CSMD3: variants seen among roughly 807,000 people sequenced by gnomAD.
CSMD3 encodes CUB and Sushi multiple domains 3.
Under a neutral mutation model 435.2 loss-of-function variants are expected in CSMD3, and 177 were observed. The observed-to-expected ratio is 0.41, with a 90% CI of 0.36 to 0.46. The LOEUF (loss-of-function observed/expected upper bound fraction) is 0.46, where lower values mean the gene tolerates loss of function less well. Ranked by LOEUF, CSMD3 falls within the 20% of genes least tolerant of loss-of-function variation. The probability of loss-of-function intolerance (pLI) is 0.34; values close to 1 mark genes in which losing one functional copy is unlikely to be tolerated. For missense variants in CSMD3, 4,265 were observed against 4,504.6 expected (o/e 0.95, Z 1.52); for synonymous variants, 1,656 against 1,520.5 (o/e 1.09, Z -2.07).
intron 14 of CSMD3, among the ~76,000 whole-genome samples, chr8:112,687,644 T>C (rs151264724): frequency 6.3e-4 from 96 of 152,274 alleles, no homozygotes; most frequent in Non-Finnish European, 1.1e-3. Flanking sequence ...AAATATTTTG[T>C]ACTTTGAATC....
intron 6 of CSMD3, among the ~76,000 whole-genome samples, chr8:112,995,637 T>C (rs893826487): frequency 8.6e-5 from 13 of 151,380 alleles, no homozygotes; most frequent in African/African-American, 2.9e-4. Flanking sequence ...AAATAAATAT[T>C]TTAAATATTT....
chr8:113,068,095 A>T (rs999080056), intron 5 of CSMD3, among the ~76,000 whole-genome samples: 61 of 152,172 alleles, frequency 4.0e-4, no homozygotes, highest in Non-Finnish European at 2.1e-4. Context: ...TTCTGTGGAA[A>T]AATGCTGTAT....
At chr8:112,554,438 TG>T (rs1233939934) in intron 25 of CSMD3, among the ~76,000 whole-genome samples, 2 of 152,070 alleles carry the variant, frequency 1.3e-5, no homozygotes, top group African/African-American at 4.8e-5. Context: ...AAAATTCTTT[TG>T]GACAATCTGT....
intron 32 of CSMD3, among the ~76,000 whole-genome samples, chr8:112,454,289 A>G (rs557716302): frequency 9.2e-5 from 14 of 152,194 alleles, no homozygotes; most frequent in Admixed American, 9.2e-4. Flanking sequence ...CAGAAAACAG[A>G]CAATAAACAA....
chr8:113,095,961 C>A (rs1291120598), intron 5 of CSMD3, among the ~76,000 whole-genome samples: 1 of 152,114 alleles, frequency 6.6e-6, no homozygotes, highest in African/African-American at 2.4e-5. Context: ...CTCTCAATCT[C>A]CTTTACTGGT....
chr8:112,920,385 G>A (rs1337823364), intron 10 of CSMD3, among the ~76,000 whole-genome samples: 1 of 151,714 alleles, frequency 6.6e-6, no homozygotes, highest in East Asian at 1.9e-4. Flanking sequence ...GGTGAAGAAG[G>A]AGTATAATAA....
intron 13 of CSMD3, among the ~76,000 whole-genome samples, chr8:112,699,089 T>A (rs563835422): frequency 6.6e-6 from 1 of 152,220 alleles, no homozygotes; most frequent in East Asian, 1.9e-4. Context: ...GAATAAATGC[T>A]GGCCACCCAA....
At chr8:112,268,298 A>G (rs930533576) in intron 59 of CSMD3, among the ~76,000 whole-genome samples, 1 of 152,180 alleles carries the variant, frequency 6.6e-6, no homozygotes, top group Non-Finnish European at 1.5e-5. Context: ...GAAAGGTCTG[A>G]ATTTGTTTTG....
chr8:113,001,075 T>C (rs184494045), intron 6 of CSMD3, among the ~76,000 whole-genome samples: 47 of 152,154 alleles, frequency 3.1e-4, no homozygotes, highest in African/African-American at 1.0e-3. Context: ...AAATTTATAG[T>C]AAATCTGCCT....
At chr8:112,503,396 A>T (rs1353688063) in intron 30 of CSMD3, among the ~76,000 whole-genome samples, 1 of 152,220 alleles carries the variant, frequency 6.6e-6, no homozygotes, top group Non-Finnish European at 1.5e-5. Context: ...ATATTTTCTG[A>T]AATACAGTTA....
intron 31 of CSMD3, among the ~76,000 whole-genome samples, chr8:112,473,365 T>G (rs1293761625): frequency 6.6e-6 from 1 of 152,148 alleles, no homozygotes; most frequent in Non-Finnish European, 1.5e-5. Context: ...TTCATAGTTC[T>G]AGAACTCAAG....
intron 1 of CSMD3, among the ~76,000 whole-genome samples, chr8:113,325,237 G>A (rs1310753777): frequency 1.3e-5 from 2 of 152,026 alleles, no homozygotes; most frequent in African/African-American, 4.8e-5. Context: ...TATTTGGGAG[G>A]GGCCAGGGGC....
chr8:112,936,434 T>C (rs2083282574), intron 9 of CSMD3, among the ~76,000 whole-genome samples: 2 of 152,126 alleles, frequency 1.3e-5, no homozygotes, highest in Admixed American at 1.3e-4. Context: ...ATAATAAAGC[T>C]GAAGGTCACT....
intron 1 of CSMD3, among the ~76,000 whole-genome samples, chr8:113,375,035 A>T (rs988615467): frequency 6.6e-6 from 1 of 152,088 alleles, no homozygotes; most frequent in Non-Finnish European, 1.5e-5. Flanking sequence ...CACTTTACCC[A>T]GTATAACAAA....
At chr8:113,048,666 C>T (rs117169474) in intron 5 of CSMD3, among the ~76,000 whole-genome samples, 1 of 151,992 alleles carries the variant, frequency 6.6e-6, no homozygotes, top group African/African-American at 2.4e-5. Context: ...AATGATTTTG[C>T]GTGTCAGGTA....
At chr8:112,622,445 C>T (rs998905461) in intron 22 of CSMD3, among the ~76,000 whole-genome samples, 1 of 152,204 alleles carries the variant, frequency 6.6e-6, no homozygotes, top group African/African-American at 2.4e-5. Context: ...CTTAAAACAC[C>T]GTAATGGATG....
rs34090410 is a variant in CSMD3, at chr8:113,239,499, T to TATCTATC, written c.514+39086_514+39092dup. ...AAATTATATATGCAGTATGTAGTTT[T>TATCTATC]ATCTATCTATCTATCTATCTATCTA... On this transcript the variant is annotated intron_variant, in intron 3 of 70. Transcript: ENST00000297405. Among the ~76,000 whole-genome samples, 8 of 24,110 alleles carry TATCTATC rather than the reference T, an allele frequency of 3.3e-4. No individual in the cohort carries two copies. In the African/African-American group the frequency reaches 4.7e-3, roughly 14 times the overall value. The allele number at this position is 24,110 out of a possible 152,430, so 15.8% of individuals were successfully genotyped here.
intron 22 of CSMD3, among the ~76,000 whole-genome samples, chr8:112,592,028 G>A (rs1042226339): frequency 5.9e-5 from 9 of 151,784 alleles, no homozygotes; most frequent in Non-Finnish European, 1.2e-4. Context: ...TTTTAAAATG[G>A]GGCATCTAAA....
Position 112,685,422 on chromosome 8 carries a change from A to G in CSMD3, c.2466T>C (p.Phe822=). 1 of 1,613,674 alleles carries G rather than the reference A, an allele frequency of 6.2e-7. No homozygotes were observed. Among genetic ancestry groups the G allele is most frequent in the South Asian group, 1.1e-5 (1 of 91,072 alleles). ...QADHSMSGRG[F]NITYNTFGHN... is the part of the protein sequence containing the mutation. ...GAAACTTACTGTTGTAAGTGATGTT[A>G]AAGCCACGTCCTGACATTGAGTGGT... The change falls in exon 15 of 71, where the codon TTT becomes TTC. Residue 822 remains phenylalanine, a synonymous_variant. Transcript: ENST00000297405.
Sources: gnomAD v4.1 joint callset for allele counts (sites outside exome capture counted in the v4.1 genomes callset) on GRCh38, gnomAD v4.1.1 for gene constraint, MANE v1.5 for transcripts, NCBI Gene and HGNC (gene_info 2026-07-23, HGNC 2026-07-21) for gene names.